The following CGNL1 variants were observed in gnomAD, a reference collection of about 807,000 sequenced individuals.
The protein encoded by CGNL1 is cingulin like 1, also known as cingulin-like protein 1.
CGNL1 carries 132 observed loss-of-function variants against 141.2 expected under a neutral mutation model. That is an observed-to-expected ratio of 0.93 (90% CI 0.81 to 1.08). The LOEUF (loss-of-function observed/expected upper bound fraction) is 1.08, where lower values mean the gene tolerates loss of function less well. Ranked by LOEUF, CGNL1 falls within the 50% of genes least tolerant of loss-of-function variation. CGNL1 has a pLI of 0.00. For synonymous variants in CGNL1, 690 were observed against 622.1 expected, an observed-to-expected ratio of 1.11 and a Z score of -1.63; for missense variants, 1,870 against 1,588.6, an observed-to-expected ratio of 1.18 and a Z score of -3.01.
At chr15:57,403,062 C>T (rs1420807840) in intron 1 of CGNL1, among the ~76,000 whole-genome samples, 1 of 152,194 alleles carries the variant, frequency 6.6e-6, no homozygotes, top group Admixed American at 6.5e-5. Flanking sequence ...CCATTGAATC[C>T]TTTGCTATCA....
Position 57,438,215 on chromosome 15 carries a change from T to C in CGNL1, c.216T>C (p.Asn72=), listed in dbSNP as rs778528325. ...TAGCAGGCACATCGTTTTCTGAAAA[T>C]GGGCCACCCTTTCCACCTCCAGTGA... is the stretch of plus-strand genomic sequence containing the variant. ...RCLAGTSFSE[N]GPPFPPPVIN... Residue 72 remains asparagine, a synonymous_variant, in exon 2 of 19, where the codon AAT becomes AAC. Coordinates refer to ENST00000281282, the MANE Select transcript of CGNL1 (RefSeq NM_032866.5). 1.2e-6 allele frequency: 2 copies of C among 1,614,120 alleles called. No individual in the cohort carries two copies. The highest frequency in any genetic ancestry group is 1.1e-5 in the South Asian group (1 of 91,080).
rs1266285191 is a variant in CGNL1, at chr15:57,547,454, A to G, written c.3873A>G (p.Thr1291=). ...GSLYEAPVSY[T]FSKDSTVASQ... ...TCTATGAGGCGCCTGTGAGCTACAC[A>G]TTCTCCAAGGACAGCACCGTCGCCA... The change falls in exon 19 of 19, where the codon ACA becomes ACG. Residue 1291 remains threonine, a synonymous_variant. Transcript: ENST00000281282. 2 of 1,614,124 alleles carry G rather than the reference A, an allele frequency of 1.2e-6. No homozygotes were observed. The highest frequency in any genetic ancestry group is 1.7e-6 in the Non-Finnish European group (2 of 1,180,004).
chr15:57,443,104 G>T (rs1332863536), intron 4 of CGNL1, among the ~76,000 whole-genome samples: 7 of 152,206 alleles, frequency 4.6e-5, no homozygotes, highest in Non-Finnish European at 1.0e-4. Flanking sequence ...TGGAGCTTCA[G>T]GTGTGAAAGA....
At chr15:57,495,330 G>A (rs1160678962) in intron 8 of CGNL1, among the ~76,000 whole-genome samples, 1 of 152,156 alleles carries the variant, frequency 6.6e-6, no homozygotes, top group Non-Finnish European at 1.5e-5. Flanking sequence ...TTGGTGGATT[G>A]TAAGATGCAG....
intron 1 of CGNL1, among the ~76,000 whole-genome samples, chr15:57,425,400 G>A (rs1036270279): frequency 2.0e-5 from 3 of 152,134 alleles, no homozygotes; most frequent in Admixed American, 2.0e-4. Context: ...AAGACGCTGA[G>A]TGGGCTATCA....
At chr15:57,524,322 T>C (rs1386314977) in intron 11 of CGNL1, among the ~76,000 whole-genome samples, 2 of 152,176 alleles carry the variant, frequency 1.3e-5, no homozygotes, top group Non-Finnish European at 2.9e-5. Context: ...GCCCCAGTCA[T>C]GTACTGGTAA....
Position 57,468,327 on chromosome 15 carries a change from G to A in CGNL1, c.2403+6435G>A, listed in dbSNP as rs202040762. On this transcript the variant is annotated intron_variant, in intron 8 of 18. Coordinates refer to ENST00000281282, the MANE Select transcript of CGNL1 (RefSeq NM_032866.5). Reference sequence around the variant, plus strand: ...ACGATCTCAGCTCACTTCAACCTCCGCCTCCTGGGTTCAAGCCATCCTCCC... The same window carrying A: ...ACGATCTCAGCTCACTTCAACCTCCACCTCCTGGGTTCAAGCCATCCTCCC... Among the ~76,000 whole-genome samples, 36 of 131,260 alleles carry A rather than the reference G, an allele frequency of 2.7e-4. No homozygotes were observed. The East Asian group carries it at 8.9e-3, about 32-fold the overall frequency. The allele number at this position is 131,260 out of a possible 152,430, so 86.1% of individuals were successfully genotyped here. A position where few individuals can be genotyped will look rare whatever the true frequency, so the allele number is the denominator to read the frequency against.
At chr15:57,418,597 G>A (rs1368084936) in intron 1 of CGNL1, among the ~76,000 whole-genome samples, 1 of 152,098 alleles carries the variant, frequency 6.6e-6, no homozygotes, top group Non-Finnish European at 1.5e-5. Context: ...GTGGGAAACT[G>A]TCCACAGCTC....
At chr15:57,442,191 A>T (rs1595709588) in intron 3 of CGNL1, among the ~76,000 whole-genome samples, 182 bp from the exon 4 acceptor site, 1 of 149,954 alleles carries the variant, frequency 6.7e-6, no homozygotes, top group South Asian at 2.1e-4. Context: ...TGAAAAAAAA[A>T]AAAAAAAAAA....
intron 1 of CGNL1, among the ~76,000 whole-genome samples, chr15:57,427,856 G>C (rs747473257): frequency 6.6e-6 from 1 of 152,206 alleles, no homozygotes; most frequent in African/African-American, 2.4e-5. Flanking sequence ...GTGGAGGCTG[G>C]AGGTGGGAAG....
chr15:57,510,507 C>T (rs138369016), intron 8 of CGNL1, among the ~76,000 whole-genome samples: 3 of 152,170 alleles, frequency 2.0e-5, no homozygotes, highest in African/African-American at 7.2e-5. Flanking sequence ...GTCTGTGTGC[C>T]GGGTGGGCAA....
chr15:57,411,722 G>A (rs2062790342), intron 1 of CGNL1, among the ~76,000 whole-genome samples: 1 of 151,384 alleles, frequency 6.6e-6, no homozygotes, highest in Non-Finnish European at 1.5e-5. Context: ...TGGGATTACA[G>A]CATGAGCCAC....
chr15:57,451,721 C>T (rs2063324585), intron 5 of CGNL1, 120 bp downstream of exon 5: 1 of 689,620 alleles, frequency 1.5e-6, no homozygotes, highest in Admixed American at 3.0e-5. Context: ...AAGAAACATT[C>T]CTCTAATCAC....
At chr15:57,442,182 G>GGAAAAAAAAAAAAAAAAAACAAA (rs1491455852) in intron 3 of CGNL1, among the ~76,000 whole-genome samples, 191 bp from the exon 4 acceptor site, 1 of 96,528 alleles carries the variant, frequency 1.0e-5, no homozygotes. Context: ...TCATTTATTT[G>GGAAAAAAAAAAAAAAAAAACAAA]AAAAAAAAAA....
At chr15:57,517,938 G>C (rs2030946814) in intron 9 of CGNL1, among the ~76,000 whole-genome samples, 1 of 151,924 alleles carries the variant, frequency 6.6e-6, no homozygotes, top group Non-Finnish European at 1.5e-5. Context: ...GTGTGTGTGG[G>C]GGTCCATTCA....
chr15:57,466,550 G>T (rs1280483269), intron 8 of CGNL1, among the ~76,000 whole-genome samples: 4 of 152,142 alleles, frequency 2.6e-5, no homozygotes, highest in Non-Finnish European at 5.9e-5. Flanking sequence ...ACCTGGTATT[G>T]TTGGCAATTT....
chr15:57,545,824 C>G, intron 17 of CGNL1, 124 bp downstream of exon 17: 1 of 815,936 alleles, frequency 1.2e-6, no homozygotes, highest in Non-Finnish European at 2.0e-6. Context: ...TCCCTTTCCA[C>G]GCACCCAGTC....
intron 1 of CGNL1, among the ~76,000 whole-genome samples, chr15:57,379,208 G>A (rs2062399545): frequency 6.6e-6 from 1 of 152,104 alleles, no homozygotes; most frequent in Non-Finnish European, 1.5e-5. Context: ...CCCCTGAACA[G>A]CAATAGTTAC....
intron 1 of CGNL1, among the ~76,000 whole-genome samples, chr15:57,390,533 G>T (rs2062531225): frequency 1.3e-5 from 2 of 152,188 alleles, no homozygotes; most frequent in African/African-American, 2.4e-5. Context: ...AGATGTATAT[G>T]GAGGAGCAAA....
Sources: gnomAD v4.1 joint callset for allele counts (sites outside exome capture counted in the v4.1 genomes callset) on GRCh38, gnomAD v4.1.1 for gene constraint, MANE v1.5 for transcripts, NCBI Gene and HGNC (gene_info 2026-07-23, HGNC 2026-07-21) for gene names.